The following FBXL17 variants were observed in gnomAD, a reference collection of about 807,000 sequenced individuals.
The protein encoded by FBXL17 is F-box/LRR-repeat protein 17.
In FBXL17, 22 loss-of-function variants were observed where a neutral mutation model predicts 66.2. The ratio of observed to expected loss-of-function variants is 0.33; its 90% CI spans 0.24 to 0.47. FBXL17 has a LOEUF of 0.47. FBXL17 is among the 20% of genes least tolerant of loss of function. The pLI, the probability that FBXL17 is intolerant of heterozygous loss-of-function variation, is 1.00. For synonymous variants in FBXL17, 474 were observed against 400.5 expected, an observed-to-expected ratio of 1.18 and a Z score of -2.19; for missense variants, 878 against 948.2, an observed-to-expected ratio of 0.93 and a Z score of 0.97.
At chr5:107,925,846 T>C (rs934674547) in intron 7 of FBXL17, among the ~76,000 whole-genome samples, 1 of 152,172 alleles carries the variant, frequency 6.6e-6, no homozygotes, top group Non-Finnish European at 1.5e-5. Context: ...TTTAGGGAAT[T>C]ACAAACTAAA....
chr5:107,940,205 C>T (rs1471559896), intron 7 of FBXL17, among the ~76,000 whole-genome samples: 9 of 152,118 alleles, frequency 5.9e-5, no homozygotes, highest in African/African-American at 2.2e-4. Context: ...CCGGAACCTA[C>T]CTACGGCTAC....
At chr5:108,139,203 G>T (rs1210931338) in intron 6 of FBXL17, among the ~76,000 whole-genome samples, 1 of 152,200 alleles carries the variant, frequency 6.6e-6, no homozygotes, top group Non-Finnish European at 1.5e-5. Context: ...AGGCATGGAG[G>T]TAGTGATTAC....
At chr5:108,125,220 T>C (rs1039727610) in intron 6 of FBXL17, among the ~76,000 whole-genome samples, 6 of 152,080 alleles carry the variant, frequency 3.9e-5, no homozygotes, top group African/African-American at 1.4e-4. Flanking sequence ...CCCATTTATC[T>C]TGATGTGATT....
intron 7 of FBXL17, among the ~76,000 whole-genome samples, chr5:107,976,122 G>C (rs1227231319): frequency 2.6e-5 from 4 of 152,134 alleles, no homozygotes. Flanking sequence ...CTCCCAAAGT[G>C]CTGGGATTAC....
intron 5 of FBXL17, among the ~76,000 whole-genome samples, chr5:108,204,716 T>C (rs1754041131): frequency 6.6e-6 from 1 of 152,182 alleles, no homozygotes; most frequent in Non-Finnish European, 1.5e-5. Context: ...GCATTTTCCA[T>C]GTCATTACGT....
At chr5:108,047,606 G>C (rs1280760164) in intron 6 of FBXL17, among the ~76,000 whole-genome samples, 1 of 152,154 alleles carries the variant, frequency 6.6e-6, no homozygotes, top group Admixed American at 6.5e-5. Context: ...TCCCTTGCTG[G>C]AGCCAGGGAG....
At chr5:107,964,141 T>C (rs1048284438) in intron 7 of FBXL17, among the ~76,000 whole-genome samples, 3 of 152,194 alleles carry the variant, frequency 2.0e-5, no homozygotes, top group African/African-American at 7.2e-5. Flanking sequence ...TGGCAACTTT[T>C]TACTTCACTT....
rs567369206 is a variant in FBXL17, at chr5:108,319,444, C to T, written c.1506+28955G>A. ...ATACCTAATGAATTTTAACTATGCA[C>T]TGTAATGCAAATGCATTAACAAAAA... On this transcript the variant is annotated intron_variant, in intron 4 of 8. Coordinates refer to ENST00000542267, the MANE Select transcript of FBXL17 (RefSeq NM_001163315.3). Among the ~76,000 whole-genome samples the T allele has an allele frequency of 3.3e-5, 5 of 151,870 alleles. No individual in the cohort carries two copies. In the South Asian group the frequency reaches 1.0e-3, roughly 31 times the overall value.
intron 4 of FBXL17, among the ~76,000 whole-genome samples, chr5:108,263,793 G>T (rs1756931932): frequency 6.6e-6 from 1 of 152,150 alleles, no homozygotes; most frequent in Non-Finnish European, 1.5e-5. Context: ...GCATTTCAAA[G>T]TGTCCAGGAA....
intron 5 of FBXL17, among the ~76,000 whole-genome samples, chr5:108,202,427 T>C (rs779100048): frequency 6.6e-6 from 1 of 152,132 alleles, no homozygotes; most frequent in African/African-American, 2.4e-5. Context: ...TAAGTTTCTA[T>C]TGCTTATGTA....
intron 6 of FBXL17, among the ~76,000 whole-genome samples, chr5:108,121,310 G>T (rs1239027932): frequency 6.6e-6 from 1 of 151,784 alleles, no homozygotes; most frequent in African/African-American, 2.4e-5. Flanking sequence ...ATTGGCAACA[G>T]AGCAAGACTC....
chr5:107,859,970 T>C lies in FBXL17; in HGVS notation c.*1750A>G, dbSNP rs144011787. On this transcript the variant is annotated 3_prime_UTR_variant, in exon 9 of 9. Coordinates refer to ENST00000542267, the MANE Select transcript of FBXL17 (RefSeq NM_001163315.3). ...TATTAATGTTAAACAGCTTTTTTCT[T>C]ACACAAATTTTATTCCCTTCAAATT... The C allele has an allele frequency of 2.3e-3, 351 of 152,282 alleles. 1 individual carries two copies. The highest frequency in any genetic ancestry group is 7.7e-3 in the African/African-American group (322 of 41,562). The allele number at this position is 152,282 out of a possible 1,614,324, so 9.4% of individuals were successfully genotyped here.
chr5:108,198,351 T>C (rs184809147), intron 5 of FBXL17, among the ~76,000 whole-genome samples: 116 of 152,270 alleles, frequency 7.6e-4, no homozygotes, highest in Non-Finnish European at 1.0e-3. Flanking sequence ...CTAATATTAA[T>C]AATCTAAAAA....
intron 6 of FBXL17, among the ~76,000 whole-genome samples, chr5:108,120,140 C>T (rs965678530): frequency 3.3e-5 from 5 of 152,092 alleles, no homozygotes; most frequent in East Asian, 1.9e-4. Flanking sequence ...AACAAACTCT[C>T]GTGGGGAAGG....
chr5:108,066,806 T>A (rs1748132585), intron 6 of FBXL17, among the ~76,000 whole-genome samples: 1 of 151,978 alleles, frequency 6.6e-6, no homozygotes, highest in African/African-American at 2.4e-5. Flanking sequence ...TCACTTTTAT[T>A]CTCAATTCTT....
Position 108,335,746 on chromosome 5 carries a change from CCT to C in FBXL17, c.1506+12651_1506+12652del, listed in dbSNP as rs550502916. On this transcript the variant is annotated intron_variant, in intron 4 of 8. Coordinates refer to ENST00000542267, the MANE Select transcript of FBXL17 (RefSeq NM_001163315.3). ...AGCATAATTATATTCTTAAAAAAAC[CCT>C]GTTTTTGACTGTAATCTAAAAACAT... Among the ~76,000 whole-genome samples, 45 of 152,072 alleles carry C rather than the reference CCT, an allele frequency of 3.0e-4. No homozygotes were observed. The South Asian group carries it at 9.1e-3, about 31-fold the overall frequency.
chr5:108,145,010 A>G (rs947810610), intron 6 of FBXL17, among the ~76,000 whole-genome samples: 4 of 152,200 alleles, frequency 2.6e-5, no homozygotes, highest in Non-Finnish European at 4.4e-5. Context: ...TGCATTTTCA[A>G]TCAAAACCTG....
intron 4 of FBXL17, among the ~76,000 whole-genome samples, chr5:108,332,920 A>G (rs1451490490): frequency 6.8e-6 from 1 of 146,490 alleles, no homozygotes; most frequent in East Asian, 2.1e-4. Flanking sequence ...ACATGTTAAC[A>G]ATGAAAAGCA....
intron 1 of FBXL17, among the ~76,000 whole-genome samples, chr5:108,376,225 G>C (rs1297652625): frequency 6.6e-6 from 1 of 152,014 alleles, no homozygotes; most frequent in Non-Finnish European, 1.5e-5. Context: ...ACAAAACAAG[G>C]ATTTCTGCAT....
Sources: gnomAD v4.1 joint callset for allele counts (sites outside exome capture counted in the v4.1 genomes callset) on GRCh38, gnomAD v4.1.1 for gene constraint, MANE v1.5 for transcripts, NCBI Gene and HGNC (gene_info 2026-07-23, HGNC 2026-07-21) for gene names.